The following ANK1 variants were observed in gnomAD, a reference collection of about 807,000 sequenced individuals.
ANK1 encodes the protein ankyrin 1, also known as ankyrin-1.
ANK1 carries 51 observed loss-of-function variants against 210.4 expected under a neutral mutation model. The ratio of observed to expected loss-of-function variants is 0.24; its 90% CI spans 0.19 to 0.31. ANK1 has a LOEUF of 0.31. ANK1 is among the 10% of genes least tolerant of loss of function. The probability of loss-of-function intolerance (pLI) is 1.00; values close to 1 mark genes in which losing one functional copy is unlikely to be tolerated. For synonymous variants in ANK1, 967 were observed against 1,025.9 expected, an observed-to-expected ratio of 0.94 and a Z score of 1.10; for missense variants, 2,051 against 2,504.4, an observed-to-expected ratio of 0.82 and a Z score of 3.86.
chr8:41,861,159 G>A (rs1813195375), intron 1 of ANK1, among the ~76,000 whole-genome samples: 1 of 152,160 alleles, frequency 6.6e-6, no homozygotes, highest in Non-Finnish European at 1.5e-5. Context: ...AGACTTTGGT[G>A]GAATTAACTC....
chr8:41,659,525 A>G (rs1465268938), intron 42 of ANK1, among the ~76,000 whole-genome samples: 1 of 152,198 alleles, frequency 6.6e-6, no homozygotes, highest in Non-Finnish European at 1.5e-5. Flanking sequence ...TCGACTGTAC[A>G]TGCTTGTCGG....
chr8:41,758,510 T>C (rs1049725779), intron 1 of ANK1, among the ~76,000 whole-genome samples: 6 of 141,908 alleles, frequency 4.2e-5, no homozygotes, highest in African/African-American at 1.6e-4. Context: ...TTTTTTAAAC[T>C]TTTTTTTTTT....
chr8:41,849,122 G>A (rs992109546), intron 1 of ANK1, among the ~76,000 whole-genome samples: 3 of 152,240 alleles, frequency 2.0e-5, no homozygotes, highest in African/African-American at 7.2e-5. Flanking sequence ...CATTATTTTA[G>A]GGACCTTTGA....
intron 1 of ANK1, among the ~76,000 whole-genome samples, chr8:41,865,678 C>T (rs1331495078): frequency 6.6e-6 from 1 of 152,110 alleles, no homozygotes; most frequent in African/African-American, 2.4e-5. Flanking sequence ...CCAGCCTCAC[C>T]AGGACCTGGG....
intron 9 of ANK1, among the ~76,000 whole-genome samples, chr8:41,721,114 A>G (rs1307394994): frequency 1.3e-5 from 2 of 152,180 alleles, no homozygotes; most frequent in Non-Finnish European, 2.9e-5. Flanking sequence ...TCAGAATGTG[A>G]CCTTGTTTGG....
chr8:41,718,165 G>A lies in ANK1; in HGVS notation c.1147C>T (p.His383Tyr). ...AGCAGCAGCTCCATGACACGGACGT[G>A]GTTCTTTTTGCAGGCGATGTGTAAG... ...TPLHIACKKNHVRVMELLLKT... is the reference protein window; with the variant it reads ...TPLHIACKKNYVRVMELLLKT... Residue 383 changes from histidine to tyrosine, a missense_variant, in exon 11 of 43, where the codon CAC becomes TAC. Transcript: ENST00000289734. 6.2e-7 allele frequency: 1 copy of A among 1,614,032 alleles called. No individual in the cohort carries two copies. The highest frequency in any genetic ancestry group is 8.5e-7 in the Non-Finnish European group (1 of 1,180,000).
At chr8:41,701,910 C>A in intron 21 of ANK1, 142 bp downstream of exon 21, 1 of 882,158 alleles carries the variant, frequency 1.1e-6, no homozygotes, top group Non-Finnish European at 1.8e-6. Flanking sequence ...GGAAGGAGGA[C>A]AAGCTCCCAC....
At chr8:41,663,808 A>G (rs1442193859) in intron 39 of ANK1, 66 bp from the exon 40 acceptor site, 1 of 1,338,290 alleles carries the variant, frequency 7.5e-7, no homozygotes, top group African/African-American at 1.4e-5. Context: ...AGGGTGGAGG[A>G]CGAGGAAATG....
Position 41,704,076 on chromosome 8 carries a change from G to C in ANK1, c.2260C>G (p.Leu754Val). The C allele has an allele frequency of 6.2e-7, 1 of 1,614,182 alleles. No individual in the cohort carries two copies. The highest frequency in any genetic ancestry group is 8.5e-7 in the Non-Finnish European group (1 of 1,180,034). ...TCGTTTGGGGAAGCACCGTTTTTCA[G>C]AAGCAGAGTCACGATGTCTGTGTGT... Reference protein sequence around the residue: ...QGHTDIVTLLLKNGASPNEVS... With the variant: ...QGHTDIVTLLVKNGASPNEVS... Residue 754 changes from leucine (L) to valine (V), a missense_variant, in exon 20 of 43, where the codon CTG becomes GTG. This residue lies in a region of ANK1 where 1,413 missense variants were observed against 1,707.4 expected (regional missense o/e 0.83). Coordinates refer to ENST00000289734, the MANE Select transcript of ANK1 (RefSeq NM_000037.4). This position sits in a 1 kb window ranked among gnomAD's most constrained non-coding sequence, Gnocchi z 4.1.
At chr8:41,711,763 T>C (rs769532989) in intron 16 of ANK1, among the ~76,000 whole-genome samples, 6 of 152,166 alleles carry the variant, frequency 3.9e-5, no homozygotes, top group Non-Finnish European at 8.8e-5. Flanking sequence ...TCTCTAAATA[T>C]AAAAAACCAA....
chr8:41,653,465 C>G lies in ANK1; in HGVS notation c.*2325G>C, dbSNP rs1804718520. 6.5e-6 allele frequency: 1 copy of G among 152,746 alleles called. No homozygotes were observed. The highest frequency in any genetic ancestry group is 1.5e-5 in the Non-Finnish European group (1 of 68,088). 9.5% of individuals were successfully genotyped at this position (152,746 alleles called of 1,614,324 possible). A position where few individuals can be genotyped will look rare whatever the true frequency, so the allele number is the denominator to read the frequency against. Reference sequence around the variant, plus strand: ...CGTGTGGAGACCCCAAACTCCTCCCCTAACGGCTCCTACTAGCAGCCGGAG... The same window carrying G: ...CGTGTGGAGACCCCAAACTCCTCCCGTAACGGCTCCTACTAGCAGCCGGAG... On this transcript the variant is annotated 3_prime_UTR_variant, in exon 43 of 43. Coordinates refer to ENST00000289734, the MANE Select transcript of ANK1 (RefSeq NM_000037.4).
chr8:41,755,617 C>T (rs1292277223), intron 2 of ANK1, among the ~76,000 whole-genome samples: 1 of 152,168 alleles, frequency 6.6e-6, no homozygotes, highest in Non-Finnish European at 1.5e-5. Context: ...GGGGCTGGGG[C>T]AACACAGCTG....
chr8:41,686,690 C>T (rs1048374197), intron 35 of ANK1, among the ~76,000 whole-genome samples: 2 of 152,200 alleles, frequency 1.3e-5, no homozygotes, highest in African/African-American at 4.8e-5. Context: ...CCCAGCACTG[C>T]CTGGGCCACG....
chr8:41,852,092 A>T (rs535850225), intron 1 of ANK1, among the ~76,000 whole-genome samples: 10 of 152,346 alleles, frequency 6.6e-5, no homozygotes, highest in Admixed American at 3.9e-4. Context: ...GGCTAGTAGT[A>T]GATGGCTGAG....
In ANK1 at chr8:41,719,809, C is replaced by T. The variant is rs773968722; in HGVS notation, c.959G>A (p.Cys320Tyr). Reference protein sequence around the residue: ...HMAAQGDHLDCVRLLLQYDAE... With the variant: ...HMAAQGDHLDYVRLLLQYDAE... ...GTCGTATTGCAACAGGAGCCGGACA[C>T]AGTCGAGGTGGTCTCCCTGAGCCGC... The change falls in exon 10 of 43, where the codon TGT becomes TAT. Residue 320 changes from cysteine (C) to tyrosine (Y), a missense_variant. Coordinates refer to ENST00000289734, the MANE Select transcript of ANK1 (RefSeq NM_000037.4). 6.2e-7 allele frequency: 1 copy of T among 1,614,226 alleles called. No homozygotes were observed. Among genetic ancestry groups the T allele is most frequent in the Non-Finnish European group, 8.5e-7 (1 of 1,180,032 alleles).
chr8:41,693,016 A>T (rs1215218667), intron 30 of ANK1, 89 bp downstream of exon 30: 1 of 1,514,760 alleles, frequency 6.6e-7, no homozygotes, highest in Non-Finnish European at 9.2e-7. Context: ...TGGAGGGGAC[A>T]GTGAGGGAGC....
intron 1 of ANK1, among the ~76,000 whole-genome samples, chr8:41,785,643 G>T (rs1199712532): frequency 6.6e-6 from 1 of 152,192 alleles, no homozygotes; most frequent in South Asian, 2.1e-4. Flanking sequence ...GGTCACTCCA[G>T]TCCCAACCAC....
intron 13 of ANK1, among the ~76,000 whole-genome samples, 182 bp from the exon 14 acceptor site, chr8:41,716,031 G>A (rs1000526679): frequency 6.6e-6 from 1 of 152,158 alleles, no homozygotes; most frequent in Non-Finnish European, 1.5e-5. Flanking sequence ...CCAATATGCT[G>A]TATCCTACTG....
At chr8:41,836,997 G>C (rs1807872771) in intron 1 of ANK1, among the ~76,000 whole-genome samples, 3 of 152,030 alleles carry the variant, frequency 2.0e-5, no homozygotes, top group African/African-American at 7.2e-5. Flanking sequence ...CTGGGGTCCT[G>C]GTCTGTGGTC....
Sources: allele counts gnomAD v4.1 joint callset (sites outside exome capture counted in the v4.1 genomes callset), GRCh38; gene constraint gnomAD v4.1.1; regional missense constraint gnomAD v4.1.1; non-coding constraint Gnocchi (gnomAD v3.1); transcripts MANE v1.5; gene names NCBI Gene and HGNC (gene_info 2026-07-23, HGNC 2026-07-21).